HFE: variants seen among roughly 807,000 people sequenced by gnomAD.
HFE encodes hereditary hemochromatosis protein.
In HFE, 36 loss-of-function variants were observed where a neutral mutation model predicts 40.9. The observed-to-expected ratio is 0.88, with a 90% CI of 0.67 to 1.16. The LOEUF (loss-of-function observed/expected upper bound fraction) is 1.16. HFE is among the 50% of genes most tolerant of loss of function. The probability of loss-of-function intolerance (pLI) is 0.00; values close to 1 mark genes in which losing one functional copy is unlikely to be tolerated. For synonymous variants in HFE, 157 were observed against 165.4 expected, an observed-to-expected ratio of 0.95 and a Z score of 0.39; for missense variants, 376 against 432.0, an observed-to-expected ratio of 0.87 and a Z score of 1.15.
intron 3 of HFE, 49 bp downstream of exon 3, chr6:26,091,638 G>A (rs765886194): frequency 1.3e-6 from 2 of 1,596,260 alleles, no homozygotes; most frequent in Admixed American, 3.4e-5. Context: ...GCAGAGTGGA[G>A]GAGGTTGCAG....
chr6:26,087,668 C>G, intron 1 of HFE, 152 bp downstream of exon 1: 1 of 668,018 alleles, frequency 1.5e-6, no homozygotes, highest in Non-Finnish European at 2.6e-6. Flanking sequence ...GTCCAGACCC[C>G]GTGAGGGAGT....
rs761391204 is a variant in HFE, at chr6:26,092,732, ACT to A, written c.667_668del (p.Leu223ThrfsTer20). On this transcript the variant is annotated frameshift_variant, in exon 4 of 6. Coordinates refer to ENST00000357618, the MANE Select transcript of HFE (RefSeq NM_000410.4). LOFTEE classifies it high-confidence loss of function. ...ACATCATGTGACCTCTTCAGTGACC[ACT>A]CTACGGTGTCGGGCCTTGAACTACT... The part of the protein sequence containing the change: ...VTHHVTSSVT[T>X]LRCRALNYYP... 6.2e-7 allele frequency: 1 copy of A among 1,613,986 alleles called. No homozygotes were observed. Among genetic ancestry groups the A allele is most frequent in the Non-Finnish European group, 8.5e-7 (1 of 1,179,998 alleles).
Position 26,090,834 on chromosome 6 carries a change from T to C in HFE, c.77-7T>C. 1 of 1,613,402 alleles carries C rather than the reference T, an allele frequency of 6.2e-7. No individual in the cohort carries two copies. Among genetic ancestry groups the C allele is most frequent in the Non-Finnish European group, 8.5e-7 (1 of 1,180,008 alleles). On this transcript the variant is annotated splice_region_variant and splice_polypyrimidine_tract_variant and intron_variant, in intron 1 of 5. Transcript: ENST00000357618. Reference sequence around the variant, plus strand: ...CACATGGTTAAGGCCTGTTGCTCTGTCTCCAGGTTCACACTCTCTGCACTA... The same window carrying C: ...CACATGGTTAAGGCCTGTTGCTCTGCCTCCAGGTTCACACTCTCTGCACTA...
rs573474865 is a variant in HFE at position 26,094,346 on chromosome 6, C to T, written c.*120C>T. 84 of 926,228 alleles carry T rather than the reference C, an allele frequency of 9.1e-5. No individual in the cohort carries two copies. The highest frequency in any genetic ancestry group is 7.1e-4 in the South Asian group (52 of 73,412). The allele number at this position is 926,228 out of a possible 1,614,324, so 57.4% of individuals were successfully genotyped here. ...GAACCTAAACATAGAAATTGCCTGACGAACTCCTTGATTTTAGCCTTCTCT... is the reference window on the plus strand; with the variant it reads ...GAACCTAAACATAGAAATTGCCTGATGAACTCCTTGATTTTAGCCTTCTCT... On this transcript the variant is annotated 3_prime_UTR_variant, in exon 6 of 6. Coordinates refer to ENST00000357618, the MANE Select transcript of HFE (RefSeq NM_000410.4).
At chr6:26,091,198 G>A in intron 2 of HFE, 94 bp downstream of exon 2, 2 of 1,604,446 alleles carry the variant, frequency 1.2e-6, no homozygotes, top group Non-Finnish European at 8.5e-7. Flanking sequence ...CTGAGGTCTT[G>A]TGGGAGCAGG....
chr6:26,094,136 A>T, intron 5 of HFE, 50 bp from the exon 6 acceptor site: 2 of 1,576,714 alleles, frequency 1.3e-6, no homozygotes, highest in South Asian at 2.2e-5. Context: ...AAGAGGCAAG[A>T]TGGTGCCTAG....
At position 26,096,649 on chromosome 6, in the gene HFE, A is replaced by G; in HGVS notation, c.*2423A>G. The G allele has an allele frequency of 2.2e-6, 1 of 445,798 alleles. No individual in the cohort carries two copies. Among genetic ancestry groups the G allele is most frequent in the Non-Finnish European group, 4.5e-6 (1 of 224,538 alleles). 27.6% of individuals were successfully genotyped at this position (445,798 alleles called of 1,614,324 possible). On this transcript the variant is annotated 3_prime_UTR_variant, in exon 6 of 6. Transcript: ENST00000357618. ...ACCATTTTCTTTTTTTGTGGTTAGA[A>G]AAGTTATGTAGAAAAAAGTAAATGT...
chr6:26,090,831 C>T lies in HFE; in HGVS notation c.77-10C>T. 6.2e-7 allele frequency: 1 copy of T among 1,613,302 alleles called. No individual in the cohort carries two copies. Among genetic ancestry groups the T allele is most frequent in the Non-Finnish European group, 8.5e-7 (1 of 1,179,984 alleles). On this transcript the variant is annotated splice_polypyrimidine_tract_variant and intron_variant, in intron 1 of 5. Coordinates refer to ENST00000357618, the MANE Select transcript of HFE (RefSeq NM_000410.4). ...CTACACATGGTTAAGGCCTGTTGCT[C>T]TGTCTCCAGGTTCACACTCTCTGCA...
intron 5 of HFE, among the ~76,000 whole-genome samples, chr6:26,093,545 A>C (rs1034692780): frequency 4.6e-5 from 7 of 152,198 alleles, no homozygotes; most frequent in Non-Finnish European, 1.0e-4. Context: ...TAGCAAGTAA[A>C]TGTAGTTAAA....
chr6:26,091,697 C>T (rs1276246945), intron 3 of HFE, 108 bp downstream of exon 3: 1 of 1,168,806 alleles, frequency 8.6e-7, no homozygotes, highest in African/African-American at 1.5e-5. Flanking sequence ...GGCTGTGTGC[C>T]TCTCCAAATT....
chr6:26,094,157 C>G (rs776266533), intron 5 of HFE, 29 bp from the exon 6 acceptor site: 5 of 1,612,286 alleles, frequency 3.1e-6, no homozygotes, highest in Non-Finnish European at 4.2e-6. Flanking sequence ...GTTTGTGATG[C>G]CTCTTTCCTG....
In HFE at chr6:26,090,914, G is replaced by C; in HGVS notation, c.150G>C (p.Leu50Phe). ...QDLGLSLFEALGYVDDQLFVF... is the reference protein window; with the variant it reads ...QDLGLSLFEAFGYVDDQLFVF... The stretch of plus-strand genomic sequence containing the variant: ...TTGGTCTTTCCTTGTTTGAAGCTTT[G>C]GGCTACGTGGATGACCAGCTGTTCG... Residue 50 changes from leucine to phenylalanine, a missense_variant, in exon 2 of 6, where the codon TTG becomes TTC. Transcript: ENST00000357618. 6.2e-7 allele frequency: 1 copy of C among 1,614,102 alleles called. No homozygotes were observed. The highest frequency in any genetic ancestry group is 1.3e-5 in the African/African-American group (1 of 75,014).
At position 26,095,340 on chromosome 6, in the gene HFE, T is replaced by G. The variant is rs964771984; in HGVS notation, c.*1114T>G. The G allele has an allele frequency of 6.6e-6, 1 of 151,892 alleles. No individual in the cohort carries two copies. Among genetic ancestry groups the G allele is most frequent in the Admixed American group, 6.6e-5 (1 of 15,222 alleles). 9.4% of individuals were successfully genotyped at this position (151,892 alleles called of 1,614,324 possible). ...CCATCTCTAATAAAAATACAAAAAA[T>G]TAGCTGGGCGTGGTGGCAGACGCCT... On this transcript the variant is annotated 3_prime_UTR_variant, in exon 6 of 6. Transcript: ENST00000357618.
At chr6:26,092,193 A>C (rs1203672684) in intron 3 of HFE, among the ~76,000 whole-genome samples, 1 of 151,674 alleles carries the variant, frequency 6.6e-6, no homozygotes, top group Non-Finnish European at 1.5e-5. Context: ...AAAAAAAAAA[A>C]AAAGAGAATT....
chr6:26,096,387 G>C lies in HFE; in HGVS notation c.*2161G>C, dbSNP rs1340875674. 2 of 451,856 alleles carry C rather than the reference G, an allele frequency of 4.4e-6. No homozygotes were observed. The highest frequency in any genetic ancestry group is 8.9e-6 in the Non-Finnish European group (2 of 225,820). 28.0% of individuals were successfully genotyped at this position (451,856 alleles called of 1,614,324 possible). ...CTGACCTCGTGATCCGCCTGCCTCG[G>C]CCTCCCAAAGTGCTGAGATTACAGG... On this transcript the variant is annotated 3_prime_UTR_variant, in exon 6 of 6. Transcript: ENST00000357618.
intron 5 of HFE, 66 bp from the exon 6 acceptor site, chr6:26,094,120 A>G: frequency 6.8e-7 from 1 of 1,461,142 alleles, no homozygotes; most frequent in Non-Finnish European, 9.6e-7. Context: ...AAAATAAGGA[A>G]GAGAGAAGAG....
intron 1 of HFE, among the ~76,000 whole-genome samples, chr6:26,090,261 G>A (rs1404758533): frequency 1.3e-5 from 2 of 151,496 alleles, no homozygotes; most frequent in East Asian, 3.9e-4. Flanking sequence ...TGGCCAACAT[G>A]GTGAAACCCC....
rs780188535 is a variant in HFE, at chr6:26,092,792, G to A, written c.724G>A (p.Asp242Asn). The A allele has an allele frequency of 2.6e-5, 42 of 1,614,054 alleles. No homozygotes were observed. The highest frequency in any genetic ancestry group is 3.6e-5 in the Non-Finnish European group (42 of 1,179,986). ...PQNITMKWLK[D>N]KQPMDAKEFE... ...GAACATCACCATGAAGTGGCTGAAGGATAAGCAGCCAATGGATGCCAAGGA... is the reference window on the plus strand; with the variant it reads ...GAACATCACCATGAAGTGGCTGAAGAATAAGCAGCCAATGGATGCCAAGGA... Residue 242 changes from aspartate to asparagine, a missense_variant, in exon 4 of 6, where the codon GAT (aspartate) becomes AAT (asparagine). Around this residue, in one of 3 missense-constraint regions of HFE, gnomAD observed 173 missense variants for 186.9 expected, o/e 0.93. Coordinates refer to ENST00000357618, the MANE Select transcript of HFE (RefSeq NM_000410.4).
Position 26,094,173 on chromosome 6 carries a change from CTT to C in HFE, c.1007-12_1007-11del. On this transcript the variant is annotated splice_polypyrimidine_tract_variant and intron_variant, in intron 5 of 5. Transcript: ENST00000357618. ...TTTGTGATGCCTCTTTCCTGGGTCT[CTT>C]GTCTCCACAGGAGGAGCCATGGGGC... is the stretch of plus-strand genomic sequence containing the variant. 1 of 1,613,636 alleles carries C rather than the reference CTT, an allele frequency of 6.2e-7. No individual in the cohort carries two copies.
Sources: gnomAD v4.1 joint callset for allele counts (sites outside exome capture counted in the v4.1 genomes callset) on GRCh38, gnomAD v4.1.1 for gene constraint, gnomAD v4.1.1 regional missense constraint, MANE v1.5 for transcripts, NCBI Gene and HGNC (gene_info 2026-07-23, HGNC 2026-07-21) for gene names.